The following PTPRT variants were observed in gnomAD, a reference collection of about 807,000 sequenced individuals.
PTPRT encodes protein tyrosine phosphatase receptor type T.
In PTPRT, 56 loss-of-function variants were observed where a neutral mutation model predicts 176.8. The ratio of observed to expected loss-of-function variants is 0.32; its 90% CI spans 0.26 to 0.40. The LOEUF is 0.40. PTPRT is among the 10% of genes least tolerant of loss of function. The pLI is 1.00. For synonymous variants in PTPRT, 783 were observed against 739.0 expected, an observed-to-expected ratio of 1.06 and a Z score of -0.96; for missense variants, 1,540 against 1,908.2, an observed-to-expected ratio of 0.81 and a Z score of 3.60.
intron 13 of PTPRT, among the ~76,000 whole-genome samples, chr20:42,264,444 C>T (rs1226761895): frequency 1.3e-5 from 2 of 152,168 alleles, no homozygotes; most frequent in Non-Finnish European, 2.9e-5. Context: ...CTCGTCTCCT[C>T]CCCCATTCTG....
rs374674401 is a variant in PTPRT at position 43,014,411 on chromosome 20, C to T, written c.89-128479G>A. Reference sequence around the variant, plus strand: ...AATTTCACAAGCCAAGCTGATGTTTCATTCCCCCAGCATTAATGCTGCCAC... The same window carrying T: ...AATTTCACAAGCCAAGCTGATGTTTTATTCCCCCAGCATTAATGCTGCCAC... On this transcript the variant is annotated intron_variant, in intron 1 of 30. Coordinates refer to ENST00000373187, the MANE Select transcript of PTPRT (RefSeq NM_007050.6). Among the ~76,000 whole-genome samples the T allele has an allele frequency of 2.0e-4, 30 of 152,318 alleles. 1 individual carries two copies. The highest frequency in any genetic ancestry group is 5.8e-4 in the East Asian group (3 of 5,180).
At chr20:42,281,839 A>C (rs1361023797) in intron 13 of PTPRT, among the ~76,000 whole-genome samples, 1 of 152,236 alleles carries the variant, frequency 6.6e-6, no homozygotes, top group African/African-American at 2.4e-5. Context: ...ACCCTGTAAT[A>C]GGTTAAACGA....
intron 29 of PTPRT, among the ~76,000 whole-genome samples, chr20:42,083,154 CATGAG>C (rs1317568246): frequency 2.0e-4 from 15 of 76,862 alleles, no homozygotes; most frequent in Non-Finnish European, 3.6e-4. Flanking sequence ...AAAAAACAAA[CATGAG>C]AGAGAGAGAG....
intron 1 of PTPRT, among the ~76,000 whole-genome samples, chr20:42,974,674 G>A (rs1982840316): frequency 6.6e-6 from 1 of 152,122 alleles, no homozygotes; most frequent in African/African-American, 2.4e-5. Context: ...ATTAGTACAA[G>A]TTCCACTACG....
At chr20:42,508,410 C>A (rs1484661727) in intron 7 of PTPRT, among the ~76,000 whole-genome samples, 1 of 152,054 alleles carries the variant, frequency 6.6e-6, no homozygotes. Flanking sequence ...GAGAAGGCTA[C>A]TCATAGGAAC....
chr20:43,057,563 A>C (rs1214217711), intron 1 of PTPRT, among the ~76,000 whole-genome samples: 1 of 152,150 alleles, frequency 6.6e-6, no homozygotes, highest in Admixed American at 6.5e-5. Flanking sequence ...CTAAGTTAAC[A>C]ATTTCCTGGT....
the PTPRT span, among the ~76,000 whole-genome samples, chr20:42,051,352 T>G: frequency 6.6e-6 from 1 of 152,172 alleles, no homozygotes; most frequent in African/African-American, 2.4e-5. Flanking sequence ...AGGAATTGGG[T>G]GCAATGGCTT....
chr20:43,110,715 G>A (rs2012820347), intron 1 of PTPRT, among the ~76,000 whole-genome samples: 2 of 152,354 alleles, frequency 1.3e-5, no homozygotes, highest in South Asian at 4.1e-4. Flanking sequence ...GAAGTGGGGA[G>A]GTAGACAGCT....
intron 17 of PTPRT, among the ~76,000 whole-genome samples, chr20:42,160,365 G>GA (rs1989536518): frequency 6.6e-6 from 1 of 152,172 alleles, no homozygotes; most frequent in South Asian, 2.1e-4. Context: ...CTTTGGTTCA[G>GA]AAAAACGTCT....
intron 7 of PTPRT, among the ~76,000 whole-genome samples, chr20:42,676,859 G>A (rs184535512): frequency 6.6e-5 from 10 of 152,316 alleles, no homozygotes; most frequent in East Asian, 3.9e-4. Flanking sequence ...GACACATGTT[G>A]TTAGCCAATA....
In PTPRT at chr20:42,418,094, G is replaced by T. The variant is rs1454570904; in HGVS notation, c.1560+30126C>A. On this transcript the variant is annotated intron_variant, in intron 9 of 30. Coordinates refer to ENST00000373187, the MANE Select transcript of PTPRT (RefSeq NM_007050.6). ...ACTGAAATTTGTCAAGTGAGCAATT[G>T]AAGTATGATTTGTCTGGACTGAAAC... Among the ~76,000 whole-genome samples the T allele has an allele frequency of 3.9e-5, 6 of 152,100 alleles. No individual in the cohort carries two copies. The East Asian group carries it at 1.2e-3, about 29-fold the overall frequency.
At chr20:42,379,018 C>T (rs1037000094) in intron 9 of PTPRT, among the ~76,000 whole-genome samples, 3 of 152,222 alleles carry the variant, frequency 2.0e-5, no homozygotes, top group Non-Finnish European at 4.4e-5. Flanking sequence ...GGTGCTTCTA[C>T]CGTGCCCCCA....
chr20:42,112,401 T>TGAC (rs1368650209), intron 22 of PTPRT, among the ~76,000 whole-genome samples: 2 of 152,206 alleles, frequency 1.3e-5, no homozygotes, highest in Non-Finnish European at 2.9e-5. Flanking sequence ...CTTCAGTGAC[T>TGAC]GACTGATAGT....
intron 1 of PTPRT, among the ~76,000 whole-genome samples, chr20:42,979,174 T>C (rs1014295189): frequency 6.6e-6 from 1 of 152,198 alleles, no homozygotes; most frequent in Non-Finnish European, 1.5e-5. Context: ...TTTTTTCAGA[T>C]TTTTATTGAC....
intron 3 of PTPRT, among the ~76,000 whole-genome samples, chr20:42,785,378 G>A (rs1194795860): frequency 6.6e-6 from 1 of 152,224 alleles, no homozygotes; most frequent in African/African-American, 2.4e-5. Flanking sequence ...CCGAAGCCCA[G>A]TAATTTGTAT....
intron 1 of PTPRT, among the ~76,000 whole-genome samples, chr20:43,181,377 C>A (rs1192975081): frequency 6.6e-6 from 1 of 152,126 alleles, no homozygotes; most frequent in African/African-American, 2.4e-5. Flanking sequence ...AGGAGTTGGG[C>A]CTACTTTTCC....
intron 18 of PTPRT, among the ~76,000 whole-genome samples, chr20:42,136,101 T>TGTCA (rs1425445745): frequency 6.6e-6 from 1 of 152,098 alleles, no homozygotes; most frequent in Admixed American, 6.5e-5. Flanking sequence ...CCAGTAAACC[T>TGTCA]GTCATCTCAA....
intron 11 of PTPRT, among the ~76,000 whole-genome samples, chr20:42,341,004 T>A (rs1182105268): frequency 6.6e-6 from 1 of 152,050 alleles, no homozygotes; most frequent in Non-Finnish European, 1.5e-5. Flanking sequence ...TCGTGTTCCT[T>A]GCAACATTTG....
downstream of PTPRT, among the ~76,000 whole-genome samples, chr20:42,068,737 C>T (rs768940784): frequency 7.2e-5 from 11 of 152,208 alleles, no homozygotes; most frequent in Non-Finnish European, 1.5e-4. Context: ...AGAGGAAATT[C>T]CTCCCGGATT....
Sources: gnomAD v4.1 joint callset for allele counts (sites outside exome capture counted in the v4.1 genomes callset) on GRCh38, gnomAD v4.1.1 for gene constraint, MANE v1.5 for transcripts, NCBI Gene and HGNC (gene_info 2026-07-23, HGNC 2026-07-21) for gene names.